MINDY4: variants seen among roughly 807,000 people sequenced by gnomAD.
MINDY4 encodes MINDY lysine 48 deubiquitinase 4, also known as probable ubiquitin carboxyl-terminal hydrolase MINDY-4.
MINDY4 carries 68 observed loss-of-function variants against 87.0 expected under a neutral mutation model. The observed-to-expected ratio is 0.78, with a 90% CI of 0.64 to 0.96. The LOEUF (loss-of-function observed/expected upper bound fraction) is 0.96, where lower values mean the gene tolerates loss of function less well. MINDY4 is among the 40% of genes least tolerant of loss of function. MINDY4 has a pLI of 0.00. For synonymous variants in MINDY4, 379 were observed against 363.2 expected (o/e 1.04, Z -0.50); for missense variants, 919 against 928.2 (o/e 0.99, Z 0.13).
chr7:30,798,880 G>A (rs542285406), intron 5 of MINDY4, among the ~76,000 whole-genome samples: 2 of 152,276 alleles, frequency 1.3e-5, no homozygotes, highest in South Asian at 2.1e-4. Context: ...CCATGTGCTT[G>A]CAGTCCACAC....
intron 14 of MINDY4, 69 bp downstream of exon 14, chr7:30,872,375 C>T (rs1294404506): frequency 2.4e-5 from 33 of 1,395,676 alleles, no homozygotes; most frequent in Non-Finnish European, 3.0e-5. Context: ...GAGAGGTCCT[C>T]CTCCCTCCTC....
intron 10 of MINDY4, among the ~76,000 whole-genome samples, chr7:30,851,943 G>C (rs1234854592): frequency 5.3e-5 from 8 of 152,174 alleles, no homozygotes; most frequent in Non-Finnish European, 2.9e-5. Flanking sequence ...TACTGCCAGG[G>C]CTTGGGTTTG....
intron 5 of MINDY4, among the ~76,000 whole-genome samples, chr7:30,803,774 C>T (rs765847894): frequency 1.3e-5 from 2 of 152,168 alleles, no homozygotes; most frequent in Non-Finnish European, 2.9e-5. Flanking sequence ...TCTTCCCCAG[C>T]GTGTTTTTCT....
rs538238575 is a variant in MINDY4, at chr7:30,805,897, C to T, written c.1073+14323C>T. 2.0e-5 allele frequency among the ~76,000 whole-genome samples: 3 copies of T among 152,196 alleles called. No individual in the cohort carries two copies. In the South Asian group the frequency reaches 6.2e-4, roughly 32 times the overall value. On this transcript the variant is annotated intron_variant, in intron 5 of 17. Transcript: ENST00000265299. ...GCATGTTTGTGAGCCATGTTTGCAC[C>T]AGCAGCAGAGACAAGAAATTCACCA...
At chr7:30,787,407 G>C (rs956642796) in intron 4 of MINDY4, among the ~76,000 whole-genome samples, 20 of 152,216 alleles carry the variant, frequency 1.3e-4, no homozygotes, top group Non-Finnish European at 2.8e-4. Flanking sequence ...GTTTAATCTT[G>C]TGGGAGGTTG....
intron 5 of MINDY4, among the ~76,000 whole-genome samples, chr7:30,803,635 T>C (rs930588586): frequency 6.6e-6 from 1 of 152,136 alleles, no homozygotes; most frequent in Non-Finnish European, 1.5e-5. Flanking sequence ...GCCTTATTAC[T>C]GTGCCTGGAA....
rs556102529 is a variant in MINDY4, at chr7:30,887,180, C to A, written c.2225+4187C>A. On this transcript the variant is annotated intron_variant, in intron 17 of 17. Transcript: ENST00000265299. ...CCTCCCGTTCAGCTTCCATGCTGACCATTTTGCCCAGGCTCCCTGTCCACA... is the reference window on the plus strand; with the variant it reads ...CCTCCCGTTCAGCTTCCATGCTGACAATTTTGCCCAGGCTCCCTGTCCACA... 3.3e-5 allele frequency among the ~76,000 whole-genome samples: 5 copies of A among 152,316 alleles called. No homozygotes were observed. In the South Asian group the frequency reaches 1.0e-3, roughly 32 times the overall value.
At chr7:30,888,439 C>T (rs914094265) in intron 17 of MINDY4, among the ~76,000 whole-genome samples, 5 of 152,182 alleles carry the variant, frequency 3.3e-5, no homozygotes, top group African/African-American at 9.7e-5. Flanking sequence ...ATGAGAGACC[C>T]GGCTATAAAC....
intron 5 of MINDY4, among the ~76,000 whole-genome samples, chr7:30,827,840 A>G (rs1292702208): frequency 1.3e-5 from 2 of 152,242 alleles, no homozygotes; most frequent in African/African-American, 4.8e-5. Context: ...TGTTACTTCA[A>G]TCATATCTTA....
chr7:30,794,186 C>G (rs1423810135), intron 5 of MINDY4, among the ~76,000 whole-genome samples: 2 of 152,186 alleles, frequency 1.3e-5, no homozygotes, highest in Non-Finnish European at 1.5e-5. Context: ...ATATCTGCAT[C>G]CCCTGCCCTT....
chr7:30,866,406 G>C (rs923212160), intron 13 of MINDY4, among the ~76,000 whole-genome samples: 2 of 152,208 alleles, frequency 1.3e-5, no homozygotes, highest in African/African-American at 4.8e-5. Flanking sequence ...CCTGGAAGCT[G>C]TTCACCAGGG....
chr7:30,791,551 G>T lies in MINDY4; in HGVS notation c.1050G>T (p.Gln350His). 1 of 1,613,056 alleles carries T rather than the reference G, an allele frequency of 6.2e-7. No homozygotes were observed. The highest frequency in any genetic ancestry group is 8.5e-7 in the Non-Finnish European group (1 of 1,179,398). ...GGCTGGAAAGAGCGTTCAAACGGCA[G>T]GGCAGCCAGCCCGCACCTGTCAGGT... Reference protein sequence around the residue: ...QERLERAFKRQGSQPAPVRKN... With the variant: ...QERLERAFKRHGSQPAPVRKN... Residue 350 changes from glutamine (Q) to histidine (H), a missense_variant, in exon 5 of 18, where the codon CAG becomes CAT. Gln to His is a conservative substitution (Grantham distance 24). Coordinates refer to ENST00000265299, the MANE Select transcript of MINDY4 (RefSeq NM_032222.3).
intron 17 of MINDY4, among the ~76,000 whole-genome samples, chr7:30,885,498 G>C (rs963825548): frequency 9.9e-5 from 15 of 152,128 alleles, no homozygotes; most frequent in African/African-American, 3.6e-4. Context: ...GGCAACAAGA[G>C]GGAAACTCCG....
At chr7:30,809,224 T>A (rs1461443816) in intron 5 of MINDY4, among the ~76,000 whole-genome samples, 5 of 152,048 alleles carry the variant, frequency 3.3e-5, no homozygotes, top group Non-Finnish European at 4.4e-5. Context: ...CTATCAAAAT[T>A]CCTTAACCCA....
chr7:30,853,237 G>A (rs528762818), intron 11 of MINDY4, among the ~76,000 whole-genome samples, 157 bp from the exon 12 acceptor site: 1 of 152,330 alleles, frequency 6.6e-6, no homozygotes, highest in Non-Finnish European at 1.5e-5. Flanking sequence ...AGGTATGGCC[G>A]TGCCTCTCAG....
chr7:30,856,360 T>G (rs2128572746), intron 12 of MINDY4, among the ~76,000 whole-genome samples: 1 of 152,246 alleles, frequency 6.6e-6, no homozygotes, highest in South Asian at 2.1e-4. Flanking sequence ...TGGTGCCATT[T>G]AGTGTGTTCC....
intron 13 of MINDY4, among the ~76,000 whole-genome samples, chr7:30,865,163 T>G (rs773146835): frequency 5.3e-5 from 8 of 152,162 alleles, no homozygotes; most frequent in Non-Finnish European, 7.4e-5. Context: ...CACCGACACC[T>G]GGCTTTGTGG....
intron 13 of MINDY4, among the ~76,000 whole-genome samples, chr7:30,867,372 G>GT (rs1789972585): frequency 1.3e-5 from 2 of 152,228 alleles, no homozygotes; most frequent in East Asian, 1.9e-4. Context: ...GTTTTGTTTT[G>GT]TTTTTTGTTA....
chr7:30,804,832 C>T (rs1332488671), intron 5 of MINDY4, among the ~76,000 whole-genome samples: 1 of 152,138 alleles, frequency 6.6e-6, no homozygotes, highest in Non-Finnish European at 1.5e-5. Context: ...GGGAAGAGGA[C>T]TGTTGAGAGC....
Sources: gnomAD v4.1 joint callset for allele counts (sites outside exome capture counted in the v4.1 genomes callset) on GRCh38, gnomAD v4.1.1 for gene constraint, MANE v1.5 for transcripts, NCBI Gene and HGNC (gene_info 2026-07-23, HGNC 2026-07-21) for gene names.